CLHC1: variants seen among roughly 807,000 people sequenced by gnomAD.
The protein encoded by CLHC1 is clathrin heavy chain linker domain-containing protein 1.
In CLHC1, 72 loss-of-function variants were observed where a neutral mutation model predicts 69.5. The observed-to-expected ratio is 1.04, with a 90% CI of 0.86 to 1.26. The LOEUF (loss-of-function observed/expected upper bound fraction) is 1.26. Among genes scored for constraint, CLHC1 ranks in the 50% most tolerant of loss-of-function variants. CLHC1 has a pLI of 0.00. For missense variants in CLHC1, 790 were observed against 679.3 expected (o/e 1.16, Z -1.81); for synonymous variants, 223 against 224.3 (o/e 0.99, Z 0.05).
chr2:55,215,289 G>C (rs912065362), intron 4 of CLHC1: 1 of 152,126 alleles, frequency 6.6e-6, no homozygotes, highest in Non-Finnish European at 1.5e-5. Context: ...ACAGAATAGA[G>C]AAAACTCTCA....
chr2:55,189,864 T>G (rs1359765082), intron 9 of CLHC1, among the ~76,000 whole-genome samples: 1 of 152,140 alleles, frequency 6.6e-6, no homozygotes, highest in African/African-American at 2.4e-5. Flanking sequence ...GCAAACTTCA[T>G]AATCCTCAGG....
intron 9 of CLHC1, among the ~76,000 whole-genome samples, chr2:55,193,162 G>A (rs1335849686): frequency 6.6e-6 from 1 of 152,060 alleles, no homozygotes; most frequent in Non-Finnish European, 1.5e-5. Context: ...AAAGTGCTGG[G>A]ATTATAGGCG....
intron 5 of CLHC1, among the ~76,000 whole-genome samples, chr2:55,211,326 C>G (rs934838504): frequency 1.3e-5 from 2 of 151,596 alleles, no homozygotes; most frequent in African/African-American, 4.8e-5. Context: ...ACGGTGAAAC[C>G]CCGTCTCTCC....
At chr2:55,214,769 T>C (rs980342290) in intron 4 of CLHC1, 6 of 152,200 alleles carry the variant, frequency 3.9e-5, no homozygotes, top group African/African-American at 1.4e-4. Flanking sequence ...CAGAGTGGCA[T>C]TATTCACATA....
At chr2:55,176,016 T>C (rs892204124) in intron 12 of CLHC1, 30 bp from the exon 13 acceptor site, 5 of 1,534,784 alleles carry the variant, frequency 3.3e-6, no homozygotes, top group Middle Eastern at 1.7e-4. Flanking sequence ...TATTATAGTA[T>C]GGCACTTATT....
At chr2:55,216,479 C>A (rs1673518832) in intron 4 of CLHC1, among the ~76,000 whole-genome samples, 1 of 151,972 alleles carries the variant, frequency 6.6e-6, no homozygotes, top group Non-Finnish European at 1.5e-5. Context: ...ACTATTAAAT[C>A]TTCCATGGAG....
Position 55,193,049 on chromosome 2 carries a change from C to G in CLHC1, c.1007-11305G>C. Reference sequence around the variant, plus strand: ...GGGATTCCAGGTACCCGCCACCACACCCGGCGGCTAATTTTTGTATATTTA... The same window carrying G: ...GGGATTCCAGGTACCCGCCACCACAGCCGGCGGCTAATTTTTGTATATTTA... On this transcript the variant is annotated intron_variant, in intron 9 of 12. Transcript: ENST00000401408. Among the ~76,000 whole-genome samples, 2 of 132,362 alleles carry G rather than the reference C, an allele frequency of 1.5e-5. 1 individual carries two copies. Among genetic ancestry groups the G allele is most frequent in the Non-Finnish European group, 3.3e-5 (2 of 61,194 alleles). The allele number at this position is 132,362 out of a possible 152,430, so 86.8% of individuals were successfully genotyped here.
intron 9 of CLHC1, among the ~76,000 whole-genome samples, chr2:55,196,845 G>A (rs917307780): frequency 6.6e-6 from 1 of 152,190 alleles, no homozygotes; most frequent in South Asian, 2.1e-4. Flanking sequence ...TTGTCTTGCA[G>A]CTTAGGTACC....
At position 55,175,945 on chromosome 2, in the gene CLHC1, T is replaced by C. The variant is rs564785075; in HGVS notation, c.1606A>G (p.Ile536Val). The C allele has an allele frequency of 1.4e-4, 231 of 1,613,970 alleles. 1 individual carries two copies. Among genetic ancestry groups the C allele is most frequent in the Non-Finnish European group, 1.9e-4 (219 of 1,179,960 alleles). ...SLMINDSFCS[I>V]EKWQEVANIC... ...TTTGCCACTTCTTGCCACTTTTCTATGGAGCAAAAGGAATCATTTATCATA... is the reference window on the plus strand; with the variant it reads ...TTTGCCACTTCTTGCCACTTTTCTACGGAGCAAAAGGAATCATTTATCATA... The change falls in exon 13 of 13, where the codon ATA becomes GTA. Residue 536 changes from isoleucine (I) to valine (V), a missense_variant. By Grantham distance (29) the Ile-to-Val change is conservative. Transcript: ENST00000401408.
At position 55,180,553 on chromosome 2, in the gene CLHC1, A is replaced by G. The variant is rs777966381; in HGVS notation, c.1341T>C (p.His447=). The G allele has an allele frequency of 2.5e-6, 4 of 1,614,124 alleles. No homozygotes were observed. Among genetic ancestry groups the G allele is most frequent in the Non-Finnish European group, 3.4e-6 (4 of 1,179,992 alleles). The part of the protein sequence containing the change: ...ILCLCKQGQT[H]RVMEYIQQLK... ...ACTGCTGTATGTACTCCATGACCCTATGAGTCTGACCCTGTTTACACAAGC... is the reference window on the plus strand; with the variant it reads ...ACTGCTGTATGTACTCCATGACCCTGTGAGTCTGACCCTGTTTACACAAGC... Residue 447 remains histidine, a synonymous_variant, in exon 11 of 13, where the codon CAT becomes CAC. Transcript: ENST00000401408.
At chr2:55,184,249 T>A (rs567376446) in intron 9 of CLHC1, among the ~76,000 whole-genome samples, 1 of 151,962 alleles carries the variant, frequency 6.6e-6, no homozygotes, top group East Asian at 1.9e-4. Flanking sequence ...GGGACTATAG[T>A]AATGTGCCAC....
At chr2:55,185,889 T>C (rs1388912726) in intron 9 of CLHC1, among the ~76,000 whole-genome samples, 1 of 152,200 alleles carries the variant, frequency 6.6e-6, no homozygotes, top group African/African-American at 2.4e-5. Flanking sequence ...ACCAATGATA[T>C]CTTTGAGCTT....
intron 9 of CLHC1, 103 bp downstream of exon 9, chr2:55,206,167 G>A: frequency 3.0e-6 from 2 of 661,968 alleles, no homozygotes; most frequent in Non-Finnish European, 2.6e-6. Flanking sequence ...AGATAGGGCT[G>A]GGGCCTAGAT....
At chr2:55,216,503 G>A (rs992375631) in intron 4 of CLHC1, among the ~76,000 whole-genome samples, 3 of 151,836 alleles carry the variant, frequency 2.0e-5, no homozygotes, top group African/African-American at 7.3e-5. Context: ...ATTACCTGGA[G>A]CAATTACCTG....
chr2:55,177,701 G>C lies in CLHC1; in HGVS notation c.1465C>G (p.Pro489Ala). Reference sequence around the variant, plus strand: ...ATAGCAAGACCAAAAGATAAAGATGGTTGTTTCTCATTCAACTCTTTAGTG... The same window carrying C: ...ATAGCAAGACCAAAAGATAAAGATGCTTGTTTCTCATTCAACTCTTTAGTG... ...CLTKELNEKQ[P>A]SLSFGLAILH... Residue 489 changes from proline to alanine, a missense_variant, in exon 12 of 13, where the codon CCA becomes GCA. Physicochemically the swap from Pro to Ala is conservative, Grantham distance 27 (BLOSUM62 -1). Transcript: ENST00000401408. The C allele has an allele frequency of 6.2e-7, 1 of 1,613,034 alleles. No individual in the cohort carries two copies. Among genetic ancestry groups the C allele is most frequent in the Non-Finnish European group, 8.5e-7 (1 of 1,179,212 alleles).
At chr2:55,202,875 G>C (rs1672092589) in intron 9 of CLHC1, among the ~76,000 whole-genome samples, 1 of 149,574 alleles carries the variant, frequency 6.7e-6, no homozygotes, top group African/African-American at 2.5e-5. Flanking sequence ...CTCCAGCCTG[G>C]GTGACAGAGT....
At chr2:55,220,213 A>T (rs1432479171) in intron 3 of CLHC1, among the ~76,000 whole-genome samples, 1 of 152,158 alleles carries the variant, frequency 6.6e-6, no homozygotes, top group African/African-American at 2.4e-5. Flanking sequence ...TTTTAAACAC[A>T]ATTTGGTATT....
intron 8 of CLHC1, among the ~76,000 whole-genome samples, chr2:55,207,196 A>T (rs1672538012): frequency 6.6e-6 from 1 of 152,168 alleles, no homozygotes; most frequent in Admixed American, 6.5e-5. Flanking sequence ...CTGCCAGGCA[A>T]CAGGTTCCCA....
chr2:55,182,425 T>G (rs1670019646), intron 9 of CLHC1, among the ~76,000 whole-genome samples: 1 of 152,230 alleles, frequency 6.6e-6, no homozygotes, highest in South Asian at 2.1e-4. Flanking sequence ...CATTTTTTAT[T>G]AAGCTGTATG....
Sources: gnomAD v4.1 joint callset for allele counts (sites outside exome capture counted in the v4.1 genomes callset) on GRCh38, gnomAD v4.1.1 for gene constraint, MANE v1.5 for transcripts, NCBI Gene and HGNC (gene_info 2026-07-23, HGNC 2026-07-21) for gene names.